The following STRN variants were observed in gnomAD, a reference collection of about 807,000 sequenced individuals.
The protein encoded by STRN is protein phosphatase 2 regulatory subunit B'''alpha.
Under a neutral mutation model 96.3 loss-of-function variants are expected in STRN, and 53 were observed. The observed-to-expected ratio is 0.55, with a 90% CI of 0.44 to 0.69. STRN has a LOEUF of 0.69. Among genes scored for constraint, STRN ranks in the 30% least tolerant of loss-of-function variants. The pLI, the probability that STRN is intolerant of heterozygous loss-of-function variation, is 0.00. For synonymous variants in STRN, 428 were observed against 355.9 expected (o/e 1.20, Z -2.28); for missense variants, 987 against 963.9 (o/e 1.02, Z -0.32).
chr2:36,871,790 C>A (rs1370734129), intron 10 of STRN, among the ~76,000 whole-genome samples: 1 of 152,168 alleles, frequency 6.6e-6, no homozygotes, highest in Admixed American at 6.5e-5. Flanking sequence ...AGTTAAGTGA[C>A]TTGCCCAAAG....
chr2:36,897,089 C>T (rs1669560833), intron 6 of STRN, among the ~76,000 whole-genome samples: 1 of 151,952 alleles, frequency 6.6e-6, no homozygotes, highest in African/African-American at 2.4e-5. Context: ...ATTGCTTGAA[C>T]CCAGGAGGCG....
chr2:36,881,020 G>A (rs574825912), intron 9 of STRN, among the ~76,000 whole-genome samples: 4 of 151,024 alleles, frequency 2.6e-5, no homozygotes, highest in East Asian at 3.9e-4. Flanking sequence ...TATAGGTCAC[G>A]TTTCCATCTG....
intron 7 of STRN, among the ~76,000 whole-genome samples, chr2:36,887,801 T>C (rs1308764658): frequency 1.3e-5 from 2 of 152,194 alleles, no homozygotes; most frequent in Non-Finnish European, 2.9e-5. Context: ...CAATAATCAA[T>C]TGTCACTATT....
At chr2:36,945,431 G>A (rs1670955151) in intron 1 of STRN, among the ~76,000 whole-genome samples, 1 of 152,232 alleles carries the variant, frequency 6.6e-6, no homozygotes, top group South Asian at 2.1e-4. Flanking sequence ...ACTTTGGGAG[G>A]CCGCGGCAGG....
At chr2:36,906,241 A>T (rs1470559609) in intron 3 of STRN, among the ~76,000 whole-genome samples, 2 of 152,186 alleles carry the variant, frequency 1.3e-5, no homozygotes, top group Non-Finnish European at 2.9e-5. Flanking sequence ...AGGCAGGTGG[A>T]TCTCTAGAAC....
intron 1 of STRN, among the ~76,000 whole-genome samples, chr2:36,934,671 C>A (rs1352875593): frequency 6.6e-6 from 1 of 152,216 alleles, no homozygotes; most frequent in Non-Finnish European, 1.5e-5. Flanking sequence ...TAAGGAACTA[C>A]ATAAAGCCCA....
chr2:36,950,000 G>GAAATGAGTA (rs1318186152), intron 1 of STRN, among the ~76,000 whole-genome samples: 1 of 152,054 alleles, frequency 6.6e-6, no homozygotes, highest in Non-Finnish European at 1.5e-5. Flanking sequence ...AAGAGACTGA[G>GAAATGAGTA]AAATGAGTAA....
At chr2:36,919,566 G>A (rs1670196092) in intron 2 of STRN, among the ~76,000 whole-genome samples, 1 of 152,086 alleles carries the variant, frequency 6.6e-6, no homozygotes, top group Admixed American at 6.5e-5. Context: ...AGACAGAGAA[G>A]GGACAGAAAG....
intron 1 of STRN, among the ~76,000 whole-genome samples, chr2:36,957,742 GTC>G (rs1558669942): frequency 9.7e-6 from 1 of 103,132 alleles, no homozygotes; most frequent in African/African-American, 3.5e-5. Context: ...TCTTCTTTTT[GTC>G]TTTTTTTTTT....
intron 1 of STRN, among the ~76,000 whole-genome samples, chr2:36,952,627 T>C (rs138288720): frequency 6.6e-6 from 1 of 152,326 alleles, no homozygotes; most frequent in African/African-American, 2.4e-5. Flanking sequence ...AGATTGTAGA[T>C]ATAAAGCACT....
chr2:36,888,201 A>G (rs1382097915), intron 7 of STRN, among the ~76,000 whole-genome samples: 1 of 152,212 alleles, frequency 6.6e-6, no homozygotes, highest in Non-Finnish European at 1.5e-5. Context: ...TACTACTCTG[A>G]TCACTATGAT....
intron 1 of STRN, among the ~76,000 whole-genome samples, chr2:36,927,921 A>G (rs1403447919): frequency 1.3e-5 from 2 of 152,214 alleles, no homozygotes; most frequent in Middle Eastern, 3.2e-3. Flanking sequence ...GTAATACATG[A>G]CTGATAAAAC....
intron 10 of STRN, among the ~76,000 whole-genome samples, chr2:36,875,136 A>G (rs964016426): frequency 6.6e-6 from 1 of 152,110 alleles, no homozygotes; most frequent in Non-Finnish European, 1.5e-5. Context: ...TGTATGTGAT[A>G]CTCTCTAGGG....
intron 1 of STRN, among the ~76,000 whole-genome samples, chr2:36,939,172 C>A (rs1670779438): frequency 6.6e-6 from 1 of 152,030 alleles, no homozygotes; most frequent in Non-Finnish European, 1.5e-5. Context: ...ACCTCGTGAT[C>A]CGCCCGCCTC....
At chr2:36,887,991 A>C (rs1284902864) in intron 7 of STRN, among the ~76,000 whole-genome samples, 1 of 152,216 alleles carries the variant, frequency 6.6e-6, no homozygotes, top group African/African-American at 2.4e-5. Context: ...CCAAGCAAAC[A>C]TACAAAACCA....
At position 36,896,228 on chromosome 2, in the gene STRN, T is replaced by C. The variant is rs192647072; in HGVS notation, c.796-2195A>G. ...ACATTAAATATTAGGTATTAAGTAATAAAAGCAACTCTTGGGGGGAAAAAC... is the reference window on the plus strand; with the variant it reads ...ACATTAAATATTAGGTATTAAGTAACAAAAGCAACTCTTGGGGGGAAAAAC... On this transcript the variant is annotated intron_variant, in intron 6 of 17. Coordinates refer to ENST00000263918, the MANE Select transcript of STRN (RefSeq NM_003162.4). Among the ~76,000 whole-genome samples, 593 of 152,266 alleles carry C rather than the reference T, an allele frequency of 3.9e-3. 1 individual carries two copies. The highest frequency in any genetic ancestry group is 7.3e-3 in the Admixed American group (112 of 15,296).
At chr2:36,966,173 G>A in intron 1 of STRN, 57 bp downstream of exon 1, 1 of 1,428,780 alleles carries the variant, frequency 7.0e-7, no homozygotes. Context: ...GGTCCGGGGC[G>A]GGGCGGAAGG....
chr2:36,917,070 A>T (rs550906990), intron 2 of STRN, among the ~76,000 whole-genome samples: 59 of 139,964 alleles, frequency 4.2e-4, no homozygotes, highest in Admixed American at 2.1e-3. Flanking sequence ...AAAAATAAAT[A>T]AAAAAAAAAG....
intron 9 of STRN, among the ~76,000 whole-genome samples, chr2:36,882,584 TG>T: frequency 6.6e-6 from 1 of 152,218 alleles, no homozygotes; most frequent in Admixed American, 6.5e-5. Flanking sequence ...CTGAACAACA[TG>T]GCAAAACCAT....
Sources: gnomAD v4.1 joint callset for allele counts (sites outside exome capture counted in the v4.1 genomes callset) on GRCh38, gnomAD v4.1.1 for gene constraint, MANE v1.5 for transcripts, NCBI Gene and HGNC (gene_info 2026-07-23, HGNC 2026-07-21) for gene names.